Variants in SRSF11 observed in about 807,000 individuals in gnomAD.
SRSF11 encodes the protein serine/arginine-rich splicing factor 11.
In SRSF11, 9 loss-of-function variants were observed where a neutral mutation model predicts 56.0. That is an observed-to-expected ratio of 0.16 (90% CI 0.10 to 0.28). The LOEUF is 0.28. Among genes scored for constraint, SRSF11 ranks in the 10% least tolerant of loss-of-function variants. SRSF11 has a pLI of 1.00. For missense variants in SRSF11, 421 were observed against 600.7 expected, an observed-to-expected ratio of 0.70 and a Z score of 3.13; for synonymous variants, 222 against 215.3, an observed-to-expected ratio of 1.03 and a Z score of -0.27.
intron 1 of SRSF11, among the ~76,000 whole-genome samples, chr1:70,213,075 G>A (rs546237970): frequency 3.8e-4 from 58 of 152,248 alleles, no homozygotes; most frequent in African/African-American, 1.4e-3. Flanking sequence ...AAAAAGAAAA[G>A]ATGAGGAAAT....
chr1:70,237,143 T>C (rs1314584501), intron 5 of SRSF11, among the ~76,000 whole-genome samples: 4 of 152,172 alleles, frequency 2.6e-5, no homozygotes, highest in Admixed American at 2.6e-4. Context: ...TTTCTTGTAC[T>C]GGCATTTCTA....
intron 1 of SRSF11, among the ~76,000 whole-genome samples, chr1:70,224,807 T>C (rs1571680560): frequency 1.3e-5 from 2 of 152,224 alleles, no homozygotes; most frequent in South Asian, 2.1e-4. Context: ...ACCCCACATA[T>C]ACTCTTTGTT....
intron 6 of SRSF11, 109 bp from the exon 7 acceptor site, chr1:70,239,330 G>A (rs1274852508): frequency 5.6e-6 from 4 of 708,488 alleles, no homozygotes; most frequent in African/African-American, 1.8e-5. Context: ...GGACTGAAGT[G>A]TTGCTCCCAC....
chr1:70,229,827 A>G (rs1672519352), intron 2 of SRSF11: 2 of 983,356 alleles, frequency 2.0e-6, no homozygotes, highest in Non-Finnish European at 2.4e-6. Context: ...AAGACATGTT[A>G]TGTAATAGTA....
intron 1 of SRSF11, among the ~76,000 whole-genome samples, chr1:70,211,449 A>C (rs1422716861): frequency 6.6e-6 from 1 of 152,214 alleles, no homozygotes; most frequent in South Asian, 2.1e-4. Context: ...GCTCGCCTAC[A>C]GTTTTAATAA....
chr1:70,245,438 A>G (rs1269951057), intron 8 of SRSF11, among the ~76,000 whole-genome samples: 1 of 152,232 alleles, frequency 6.6e-6, no homozygotes, highest in East Asian at 1.9e-4. Context: ...TAAACCTGTA[A>G]TAATGGGGCT....
chr1:70,219,186 T>G (rs1055975691), upstream of SRSF11, among the ~76,000 whole-genome samples: 3 of 152,162 alleles, frequency 2.0e-5, no homozygotes, highest in Non-Finnish European at 4.4e-5. Context: ...TCCAAAACAC[T>G]TATGGTCCCA....
chr1:70,245,139 T>C (rs1676456124), intron 8 of SRSF11, among the ~76,000 whole-genome samples: 1 of 152,232 alleles, frequency 6.6e-6, no homozygotes, highest in Non-Finnish European at 1.5e-5. Flanking sequence ...TCTTTTCGTG[T>C]AGAACCAAAC....
At chr1:70,212,413 C>T (rs1669642406) in intron 1 of SRSF11, among the ~76,000 whole-genome samples, 1 of 152,088 alleles carries the variant, frequency 6.6e-6, no homozygotes, top group Non-Finnish European at 1.5e-5. Flanking sequence ...CGCACCACCA[C>T]ACCCGGCTAA....
rs572767879 is a variant in SRSF11, at chr1:70,230,833, C to T, written c.338-1435C>T. ...TGATACTGAATATATCCTCTTGAGA[C>T]ATAATTTTGCATGCAAAATTATCCC... On this transcript the variant is annotated intron_variant, in intron 2 of 11. Coordinates refer to ENST00000370949, the MANE Select transcript of SRSF11 (RefSeq NM_001350605.2). 97 of 1,165,266 alleles carry T rather than the reference C, an allele frequency of 8.3e-5. No individual in the cohort carries two copies. The African/African-American group carries it at 1.5e-3, about 18-fold the overall frequency. The allele number at this position is 1,165,266 out of a possible 1,614,324, so 72.2% of individuals were successfully genotyped here.
chr1:70,246,620 A>C (rs2100992736), intron 8 of SRSF11, 198 bp from the exon 9 acceptor site: 1 of 414,314 alleles, frequency 2.4e-6, no homozygotes, highest in East Asian at 4.0e-5. Context: ...AAAACCTAGG[A>C]TAATAGGATT....
chr1:70,231,958 C>G, intron 2 of SRSF11: 1 of 1,530,808 alleles, frequency 6.5e-7, no homozygotes, highest in Non-Finnish European at 8.7e-7. Context: ...TGGTTCATGA[C>G]TTAAAAATCG....
chr1:70,240,044 A>C (rs1225190780), intron 7 of SRSF11, among the ~76,000 whole-genome samples: 1 of 152,242 alleles, frequency 6.6e-6, no homozygotes, highest in Non-Finnish European at 1.5e-5. Flanking sequence ...AAGTCTAATT[A>C]ATCATAGTTT....
chr1:70,216,183 A>G (rs964216871), intron 1 of SRSF11, among the ~76,000 whole-genome samples: 2 of 152,216 alleles, frequency 1.3e-5, no homozygotes, highest in Non-Finnish European at 2.9e-5. Context: ...CATTAGGACT[A>G]AGAGGATTAG....
intron 4 of SRSF11, 54 bp downstream of exon 4, chr1:70,234,842 A>C: frequency 3.5e-6 from 5 of 1,432,822 alleles, no homozygotes; most frequent in South Asian, 1.3e-5. Context: ...GATCTGTTTC[A>C]TTAACTGTTG....
chr1:70,234,621 CATTAAAAAAGT>C (rs1426137301), intron 3 of SRSF11, 64 bp from the exon 4 acceptor site: 1 of 1,216,566 alleles, frequency 8.2e-7, no homozygotes, highest in African/African-American at 1.5e-5. Flanking sequence ...TGACCCTTTA[CATTAAAAAAGT>C]ATTAACCCCT....
intron 1 of SRSF11, among the ~76,000 whole-genome samples, chr1:70,226,407 A>G (rs998522056): frequency 2.6e-5 from 4 of 152,274 alleles, no homozygotes; most frequent in South Asian, 2.1e-4. Flanking sequence ...GAGCATTCCT[A>G]TGCCATTAAT....
At chr1:70,237,298 G>A (rs1674340734) in intron 5 of SRSF11, 127 bp from the exon 6 acceptor site, 1 of 1,157,688 alleles carries the variant, frequency 8.6e-7, no homozygotes, top group African/African-American at 1.6e-5. Context: ...AAGTTATCAT[G>A]GAGTCCTCCC....
At chr1:70,209,803 T>C (rs536791236) in intron 1 of SRSF11, among the ~76,000 whole-genome samples, 244 of 141,092 alleles carry the variant, frequency 1.7e-3, no homozygotes, top group African/African-American at 6.3e-3. Flanking sequence ...TTTGCCATAT[T>C]GCCCAGGCTG....
Sources: gnomAD v4.1 joint callset for allele counts (sites outside exome capture counted in the v4.1 genomes callset) on GRCh38, gnomAD v4.1.1 for gene constraint, MANE v1.5 for transcripts, NCBI Gene and HGNC (gene_info 2026-07-23, HGNC 2026-07-21) for gene names.